The following SYT1 variants were observed in gnomAD, a reference collection of about 807,000 sequenced individuals.
SYT1 encodes the protein synaptotagmin 1.
SYT1 carries 8 observed loss-of-function variants against 44.8 expected under a neutral mutation model. The observed-to-expected ratio is 0.18, with a 90% CI of 0.10 to 0.32. SYT1 has a LOEUF of 0.32. Ranked by LOEUF, SYT1 falls within the 10% of genes least tolerant of loss-of-function variation. The pLI, the probability that SYT1 is intolerant of heterozygous loss-of-function variation, is 1.00. For synonymous variants in SYT1, 154 were observed against 188.8 expected, an observed-to-expected ratio of 0.82 and a Z score of 1.51; for missense variants, 286 against 509.3, an observed-to-expected ratio of 0.56 and a Z score of 4.22.
intron 4 of SYT1, among the ~76,000 whole-genome samples, chr12:79,260,816 T>TTA (rs397773080): frequency 1.3e-5 from 2 of 151,962 alleles, no homozygotes; most frequent in African/African-American, 4.8e-5. Context: ...TTTTTTTTTT[T>TTA]AGTAGACTTG....
At chr12:79,429,730 C>T (rs922019578) in intron 9 of SYT1, among the ~76,000 whole-genome samples, 12 of 152,106 alleles carry the variant, frequency 7.9e-5, no homozygotes, top group African/African-American at 2.4e-4. Flanking sequence ...GGGGTTTCAC[C>T]GTGTTAGCCA....
At chr12:79,421,053 A>G (rs1869080762) in intron 9 of SYT1, among the ~76,000 whole-genome samples, 1 of 152,118 alleles carries the variant, frequency 6.6e-6, no homozygotes, top group Non-Finnish European at 1.5e-5. Context: ...AAGATTTGAC[A>G]TGGCTGCTTT....
rs572650087 is a variant in SYT1, at chr12:78,949,251, T to C, written c.-216-28548T>C. On this transcript the variant is annotated intron_variant, in intron 1 of 10. Transcript: ENST00000261205. ...ACCATAGAACATAATTTTAGAAATA[T>C]AGGACTCCCGTGAAATACTTGAAGA... Among the ~76,000 whole-genome samples, 11 of 151,828 alleles carry C rather than the reference T, an allele frequency of 7.2e-5. No homozygotes were observed. In the East Asian group the frequency reaches 2.1e-3, roughly 29 times the overall value.
At chr12:79,291,857 A>G (rs1172961541) in intron 5 of SYT1, 151 bp from the exon 6 acceptor site, 1 of 982,802 alleles carries the variant, frequency 1.0e-6, no homozygotes, top group Non-Finnish European at 1.6e-6. Flanking sequence ...AAAAATATGT[A>G]AGCAGCAAAT....
At chr12:79,182,620 C>A (rs183032754) in intron 3 of SYT1, among the ~76,000 whole-genome samples, 1 of 152,116 alleles carries the variant, frequency 6.6e-6, no homozygotes, top group African/African-American at 2.4e-5. Flanking sequence ...ATTTTTTAGA[C>A]CAACACATAT....
Position 79,217,615 on chromosome 12 carries a change from T to G in SYT1, c.96T>G (p.Pro32=). 1.2e-6 allele frequency: 2 copies of G among 1,613,202 alleles called. No individual in the cohort carries two copies. The highest frequency in any genetic ancestry group is 1.7e-6 in the Non-Finnish European group (2 of 1,179,628). ...GCAACGCCACAGAGCCAGCCAGTCC[T>G]GGAGAAGGAAAGGAAGATGCATTTT... ...LPSNATEPAS[P]GEGKEDAFSK... The change falls in exon 4 of 11, where the codon CCT becomes CCG. Residue 32 remains proline (P), a synonymous_variant. Coordinates refer to ENST00000261205, the MANE Select transcript of SYT1 (RefSeq NM_005639.3).
At chr12:79,152,421 G>A (rs1045307123) in intron 3 of SYT1, among the ~76,000 whole-genome samples, 1 of 152,084 alleles carries the variant, frequency 6.6e-6, no homozygotes, top group Non-Finnish European at 1.5e-5. Flanking sequence ...AGTGAGAATC[G>A]TTTTGCACTT....
intron 2 of SYT1, among the ~76,000 whole-genome samples, chr12:79,000,166 T>G (rs1336810989): frequency 1.3e-5 from 2 of 152,170 alleles, no homozygotes; most frequent in Admixed American, 1.3e-4. Context: ...GAGTGCAATT[T>G]TTTTTTCAGC....
chr12:79,369,614 GTA>G (rs1189370521), intron 9 of SYT1, among the ~76,000 whole-genome samples: 1 of 152,162 alleles, frequency 6.6e-6, no homozygotes. Context: ...AGAATTGAAA[GTA>G]TGTGTAAGTT....
rs1871051146 is a variant in SYT1, at chr12:79,451,379, C to T, written c.*2255C>T. ...TTCCAATTTAAAGGGCCAAACCCTA[C>T]CAAAGAGAGGGAGTTGACTGGCTTT... is the stretch of plus-strand genomic sequence containing the variant. On this transcript the variant is annotated 3_prime_UTR_variant, in exon 11 of 11. Transcript: ENST00000261205. 6.6e-6 allele frequency: 1 copy of T among 152,158 alleles called. No individual in the cohort carries two copies. The highest frequency in any genetic ancestry group is 2.1e-4 in the South Asian group (1 of 4,824). The allele number at this position is 152,158 out of a possible 1,614,324, so 9.4% of individuals were successfully genotyped here. A position where few individuals can be genotyped will look rare whatever the true frequency, so the allele number is the denominator to read the frequency against.
intron 4 of SYT1, among the ~76,000 whole-genome samples, chr12:79,240,786 C>A (rs1254677508): frequency 6.6e-6 from 1 of 152,146 alleles, no homozygotes; most frequent in Non-Finnish European, 1.5e-5. Flanking sequence ...TTGACACATT[C>A]ATTTTTTAAA....
intron 3 of SYT1, among the ~76,000 whole-genome samples, chr12:79,154,121 G>T (rs964962420): frequency 3.3e-5 from 5 of 152,162 alleles, no homozygotes; most frequent in African/African-American, 1.2e-4. Context: ...ACTAGCTCAT[G>T]TTACTACTAA....
intron 1 of SYT1, among the ~76,000 whole-genome samples, chr12:78,896,999 T>C (rs1875398007): frequency 6.6e-6 from 1 of 151,874 alleles, no homozygotes; most frequent in African/African-American, 2.4e-5. Flanking sequence ...GCTCTTCAGT[T>C]CTTTTGACTT....
chr12:79,406,139 A>G (rs918471716), intron 9 of SYT1, among the ~76,000 whole-genome samples: 5 of 152,174 alleles, frequency 3.3e-5, no homozygotes, highest in African/African-American at 1.2e-4. Context: ...AAGAAGGTCT[A>G]GGTAATGGAT....
intron 1 of SYT1, among the ~76,000 whole-genome samples, chr12:78,893,935 C>T (rs1875197095): frequency 6.6e-6 from 1 of 151,646 alleles, no homozygotes; most frequent in Non-Finnish European, 1.5e-5. Flanking sequence ...CTTCCAGGGG[C>T]TTGGAATGAG....
rs1190891456 is a variant in SYT1 at position 79,451,322 on chromosome 12, A to G, written c.*2198A>G. The G allele has an allele frequency of 2.6e-5, 4 of 152,272 alleles. No individual in the cohort carries two copies. The highest frequency in any genetic ancestry group is 5.9e-5 in the Non-Finnish European group (4 of 68,048). The allele number at this position is 152,272 out of a possible 1,614,324, so 9.4% of individuals were successfully genotyped here. Reference sequence around the variant, plus strand: ...ACAAGTCAGAATGTGAAATTAAATAATGGTTTGAACAGAAAATTCAAACAA... The same window carrying G: ...ACAAGTCAGAATGTGAAATTAAATAGTGGTTTGAACAGAAAATTCAAACAA... On this transcript the variant is annotated 3_prime_UTR_variant, in exon 11 of 11. Transcript: ENST00000261205.
At chr12:79,243,586 T>C (rs1404324315) in intron 4 of SYT1, among the ~76,000 whole-genome samples, 1 of 152,140 alleles carries the variant, frequency 6.6e-6, no homozygotes, top group Non-Finnish European at 1.5e-5. Context: ...TCGTAAAGCA[T>C]TCTTACCGGC....
intron 1 of SYT1, among the ~76,000 whole-genome samples, chr12:78,971,789 G>T (rs531425533): frequency 4.6e-5 from 7 of 152,086 alleles, no homozygotes; most frequent in Non-Finnish European, 7.4e-5. Context: ...TCACTGACTA[G>T]ACTGAGAATC....
At chr12:79,410,408 T>C (rs570248034) in intron 9 of SYT1, among the ~76,000 whole-genome samples, 14 of 151,560 alleles carry the variant, frequency 9.2e-5, no homozygotes, top group Admixed American at 2.6e-4. Context: ...TCTTAGTTTG[T>C]GTTTCTGGTT....
Sources: gnomAD v4.1 joint callset for allele counts (sites outside exome capture counted in the v4.1 genomes callset) on GRCh38, gnomAD v4.1.1 for gene constraint, MANE v1.5 for transcripts, NCBI Gene and HGNC (gene_info 2026-07-23, HGNC 2026-07-21) for gene names.